The following DYNC1I1 variants were observed in gnomAD, a reference collection of about 807,000 sequenced individuals.
The protein encoded by DYNC1I1 is cytoplasmic dynein 1 intermediate chain 1.
A neutral mutation model predicts 86.6 loss-of-function variants in DYNC1I1; 43 were observed. That is an observed-to-expected ratio of 0.50 (90% CI 0.39 to 0.64). The LOEUF (loss-of-function observed/expected upper bound fraction) is 0.64, where lower values mean the gene tolerates loss of function less well. Among genes scored for constraint, DYNC1I1 ranks in the 30% least tolerant of loss-of-function variants. The probability of loss-of-function intolerance (pLI) is 0.00; values close to 1 mark genes in which losing one functional copy is unlikely to be tolerated. For synonymous variants in DYNC1I1, 262 were observed against 283.7 expected, an observed-to-expected ratio of 0.92 and a Z score of 0.77; for missense variants, 604 against 788.8, an observed-to-expected ratio of 0.77 and a Z score of 2.81.
At chr7:95,904,672 GATAT>G (rs570659919) in intron 6 of DYNC1I1, among the ~76,000 whole-genome samples, 1 of 151,798 alleles carries the variant, frequency 6.6e-6, no homozygotes. Flanking sequence ...TACACACAAA[GATAT>G]ATATATACAG....
chr7:95,819,323 G>A (rs545084362), intron 4 of DYNC1I1, among the ~76,000 whole-genome samples: 3 of 152,062 alleles, frequency 2.0e-5, no homozygotes, highest in Non-Finnish European at 4.4e-5. Flanking sequence ...ATTCGTTGTG[G>A]GCAACTTGTC....
At chr7:96,102,049 C>T (rs971279691), downstream of DYNC1I1, among the ~76,000 whole-genome samples, 2 of 151,666 alleles carry the variant, frequency 1.3e-5, no homozygotes, top group Non-Finnish European at 2.9e-5. Context: ...TCACAGCTGC[C>T]GTACTAGATG....
chr7:95,912,450 A>C (rs1203234161), intron 6 of DYNC1I1, among the ~76,000 whole-genome samples: 6 of 152,080 alleles, frequency 3.9e-5, no homozygotes. Flanking sequence ...TGATACGTTT[A>C]ATCTCTCTTG....
intron 14 of DYNC1I1, among the ~76,000 whole-genome samples, chr7:96,074,796 A>G (rs1790283251): frequency 6.6e-6 from 1 of 152,222 alleles, no homozygotes; most frequent in African/African-American, 2.4e-5. Context: ...CCGATTCCCT[A>G]CAGATACATT....
intron 10 of DYNC1I1, among the ~76,000 whole-genome samples, chr7:96,009,599 A>C (rs760937183): frequency 6.6e-6 from 1 of 152,152 alleles, no homozygotes; most frequent in East Asian, 1.9e-4. Context: ...TAACAAATAC[A>C]GTCTTTTCTG....
intron 6 of DYNC1I1, among the ~76,000 whole-genome samples, chr7:95,963,069 A>G (rs113397648): frequency 2.6e-4 from 40 of 152,200 alleles, no homozygotes; most frequent in African/African-American, 7.9e-4. Context: ...TTGCACTGCT[A>G]TATATTTGTA....
intron 1 of DYNC1I1, among the ~76,000 whole-genome samples, chr7:95,791,252 G>C (rs1794294340): frequency 6.6e-6 from 1 of 152,122 alleles, no homozygotes; most frequent in African/African-American, 2.4e-5. Context: ...TGCAAAAACA[G>C]CTGGATGGCT....
At chr7:95,936,289 T>C (rs1584176377) in intron 6 of DYNC1I1, among the ~76,000 whole-genome samples, 1 of 152,138 alleles carries the variant, frequency 6.6e-6, no homozygotes, top group Non-Finnish European at 1.5e-5. Context: ...GGAAAACTAA[T>C]GTCAAAACGA....
chr7:95,911,958 C>T (rs1791346716), intron 6 of DYNC1I1, among the ~76,000 whole-genome samples: 1 of 152,156 alleles, frequency 6.6e-6, no homozygotes, highest in Admixed American at 6.5e-5. Flanking sequence ...GGATGAATTC[C>T]CAAGCACTCA....
chr7:96,024,827 A>T (rs571121506), intron 10 of DYNC1I1, among the ~76,000 whole-genome samples: 27 of 152,314 alleles, frequency 1.8e-4, no homozygotes, highest in South Asian at 4.1e-4. Context: ...TGACAGGATG[A>T]TATCATTTGC....
chr7:96,081,674 G>A (rs2116273522), intron 16 of DYNC1I1, among the ~76,000 whole-genome samples: 1 of 152,210 alleles, frequency 6.6e-6, no homozygotes, highest in Middle Eastern at 3.4e-3. Context: ...CTGGTGGATG[G>A]GTTTAGCTGA....
intron 10 of DYNC1I1, among the ~76,000 whole-genome samples, chr7:96,011,272 A>T (rs1028159576): frequency 1.3e-5 from 2 of 152,144 alleles, no homozygotes; most frequent in Non-Finnish European, 2.9e-5. Flanking sequence ...TATTAACTAT[A>T]CTTAATATGT....
At chr7:95,789,196 T>G (rs528759571) in intron 1 of DYNC1I1, among the ~76,000 whole-genome samples, 44 of 152,372 alleles carry the variant, frequency 2.9e-4, no homozygotes, top group African/African-American at 1.0e-3. Context: ...AAATGCTGTG[T>G]GCTGGGCCAG....
chr7:95,796,315 C>A (rs1457063787), intron 1 of DYNC1I1, among the ~76,000 whole-genome samples: 1 of 151,664 alleles, frequency 6.6e-6, no homozygotes. Context: ...TCTTTCTTTC[C>A]TTCTTTCTTT....
At chr7:95,933,917 A>C (rs1156754412) in intron 6 of DYNC1I1, among the ~76,000 whole-genome samples, 1 of 152,096 alleles carries the variant, frequency 6.6e-6, no homozygotes, top group Non-Finnish European at 1.5e-5. Context: ...CCCTATTATT[A>C]ATTCATAAAT....
rs557703639 is a variant in DYNC1I1 at position 96,089,069 on chromosome 7, A to AAGGTCCCTTAGATAGAAAGTGAACAT, written c.1777-8412_1777-8387dup. 4.2e-3 allele frequency among the ~76,000 whole-genome samples: 642 copies of AAGGTCCCTTAGATAGAAAGTGAACAT among 152,132 alleles called. 6 individuals are homozygous for AAGGTCCCTTAGATAGAAAGTGAACAT. The highest frequency in any genetic ancestry group is 0.014 in the African/African-American group (598 of 41,526). ...TTTTATTTGTATTGGTCTCAGCATTAAGGTCCCTTAGATAGAAAGTGAACA... is the reference window on the plus strand; with the variant it reads ...TTTTATTTGTATTGGTCTCAGCATTAAGGTCCCTTAGATAGAAAGTGAACATAGGTCCCTTAGATAGAAAGTGAACA... On this transcript the variant is annotated intron_variant, in intron 16 of 16. Transcript: ENST00000447467.
At position 96,097,618 on chromosome 7, in the gene DYNC1I1, G is replaced by A. The variant is rs1791055775; in HGVS notation, c.*25G>A. 1 of 1,612,858 alleles carries A rather than the reference G, an allele frequency of 6.2e-7. No individual in the cohort carries two copies. The highest frequency in any genetic ancestry group is 1.1e-5 in the South Asian group (1 of 90,954). ...GTGGAAATGAGCCACCCCCACTGCAGCCCCCACCTTTGTGTCCTAGAGCTC... is the reference window on the plus strand; with the variant it reads ...GTGGAAATGAGCCACCCCCACTGCAACCCCCACCTTTGTGTCCTAGAGCTC... On this transcript the variant is annotated 3_prime_UTR_variant, in exon 17 of 17. Transcript: ENST00000447467.
intron 5 of DYNC1I1, among the ~76,000 whole-genome samples, chr7:95,841,843 T>C (rs546124656): frequency 6.6e-6 from 1 of 152,302 alleles, no homozygotes; most frequent in South Asian, 2.1e-4. Context: ...AGGGAAAAGC[T>C]AGGAGCTGAG....
intron 10 of DYNC1I1, among the ~76,000 whole-genome samples, chr7:96,023,333 A>G (rs1794598707): frequency 2.0e-5 from 3 of 152,214 alleles, no homozygotes; most frequent in African/African-American, 4.8e-5. Context: ...CCACCCAGGC[A>G]TGATGGCTGG....
Sources: allele counts gnomAD v4.1 joint callset (sites outside exome capture counted in the v4.1 genomes callset), GRCh38; gene constraint gnomAD v4.1.1; transcripts MANE v1.5; gene names NCBI Gene and HGNC (gene_info 2026-07-23, HGNC 2026-07-21).